Variants in GRID2 observed in about 807,000 individuals in gnomAD.
GRID2 encodes glutamate receptor ionotropic, delta-2.
A neutral mutation model predicts 114.8 loss-of-function variants in GRID2; 33 were observed. The ratio of observed to expected loss-of-function variants is 0.29; its 90% CI spans 0.22 to 0.38. The LOEUF (loss-of-function observed/expected upper bound fraction) is 0.38, where lower values mean the gene tolerates loss of function less well. Ranked by LOEUF, GRID2 falls within the 10% of genes least tolerant of loss-of-function variation. The probability of loss-of-function intolerance (pLI) is 1.00; values close to 1 mark genes in which losing one functional copy is unlikely to be tolerated. For missense variants in GRID2, 1,184 were observed against 1,257.7 expected (o/e 0.94, Z 0.89); for synonymous variants, 505 against 449.9 (o/e 1.12, Z -1.55).
At chr4:93,126,140 T>C (rs1734242499) in intron 4 of GRID2, among the ~76,000 whole-genome samples, 1 of 152,224 alleles carries the variant, frequency 6.6e-6, no homozygotes. Flanking sequence ...TAATACCTAA[T>C]AAATATTTGC....
At chr4:93,729,552 C>CTT (rs367628040) in intron 14 of GRID2, among the ~76,000 whole-genome samples, 7 of 146,326 alleles carry the variant, frequency 4.8e-5, no homozygotes, top group African/African-American at 1.7e-4. Context: ...TAATCATTTT[C>CTT]TTTTTTTTTT....
At chr4:92,829,706 G>C (rs1741968532) in intron 2 of GRID2, among the ~76,000 whole-genome samples, 1 of 152,084 alleles carries the variant, frequency 6.6e-6, no homozygotes, top group Non-Finnish European at 1.5e-5. Context: ...TGATAGACTG[G>C]ACAAAGAAAA....
At chr4:93,011,959 C>A (rs1317216748) in intron 2 of GRID2, among the ~76,000 whole-genome samples, 1 of 151,722 alleles carries the variant, frequency 6.6e-6, no homozygotes, top group Non-Finnish European at 1.5e-5. Context: ...TACTTAAGTA[C>A]CTTCCCTTTA....
chr4:93,096,892 A>G (rs2149335558), intron 3 of GRID2, among the ~76,000 whole-genome samples: 1 of 152,144 alleles, frequency 6.6e-6, no homozygotes, highest in Admixed American at 6.6e-5. Context: ...TCATATCCAA[A>G]ACTGGAAGCA....
chr4:92,939,033 G>A (rs1287114329), intron 2 of GRID2, among the ~76,000 whole-genome samples: 3 of 146,930 alleles, frequency 2.0e-5, no homozygotes, highest in African/African-American at 7.3e-5. Flanking sequence ...ATACATGTGT[G>A]GGTGTCTTTA....
intron 1 of GRID2, among the ~76,000 whole-genome samples, chr4:92,342,606 T>G (rs1727556019): frequency 6.6e-6 from 1 of 152,200 alleles, no homozygotes. Flanking sequence ...GGAAATTCAT[T>G]AAACAAAATC....
chr4:93,567,946 A>G (rs1286794104), intron 13 of GRID2, among the ~76,000 whole-genome samples: 2 of 152,222 alleles, frequency 1.3e-5, no homozygotes, highest in Non-Finnish European at 2.9e-5. Context: ...AGTATTCACA[A>G]CAGACTGGCA....
intron 2 of GRID2, among the ~76,000 whole-genome samples, chr4:92,624,634 C>A (rs1730433391): frequency 6.6e-6 from 1 of 151,740 alleles, no homozygotes; most frequent in African/African-American, 2.4e-5. Flanking sequence ...TTCAGAGTTT[C>A]TCTCAGTAAA....
chr4:93,804,867 T>A (rs1735000751), intron 1 of GRID2, among the ~76,000 whole-genome samples: 1 of 152,204 alleles, frequency 6.6e-6, no homozygotes, highest in South Asian at 2.1e-4. Flanking sequence ...CTGCAACTAC[T>A]ATATCTATTA....
chr4:93,398,288 G>T (rs879007209), intron 9 of GRID2, among the ~76,000 whole-genome samples: 2 of 150,806 alleles, frequency 1.3e-5, no homozygotes, highest in Admixed American at 1.3e-4. Flanking sequence ...TGCAAGGAGC[G>T]ATTCTACGTG....
intron 2 of GRID2, among the ~76,000 whole-genome samples, chr4:92,691,111 C>T (rs1330597052): frequency 6.6e-6 from 1 of 152,126 alleles, no homozygotes; most frequent in Non-Finnish European, 1.5e-5. Flanking sequence ...TAATTAGTGT[C>T]AGCAAAGTGA....
chr4:93,105,909 C>T (rs1368885919), intron 3 of GRID2, among the ~76,000 whole-genome samples: 1 of 151,980 alleles, frequency 6.6e-6, no homozygotes, highest in Non-Finnish European at 1.5e-5. Context: ...CTTAATTTGT[C>T]TTTGTTGTGT....
intron 2 of GRID2, among the ~76,000 whole-genome samples, chr4:92,753,837 T>C (rs763166871): frequency 6.6e-6 from 1 of 152,140 alleles, no homozygotes; most frequent in Non-Finnish European, 1.5e-5. Flanking sequence ...TATGTAAGAT[T>C]AAGTAAAAAT....
At chr4:93,006,109 C>T (rs1721495558) in intron 2 of GRID2, among the ~76,000 whole-genome samples, 2 of 151,972 alleles carry the variant, frequency 1.3e-5, no homozygotes, top group Admixed American at 6.6e-5. Context: ...CCACTCTATC[C>T]AAGTCTACAC....
At chr4:92,503,083 C>A (rs1156741124) in intron 1 of GRID2, among the ~76,000 whole-genome samples, 1 of 152,026 alleles carries the variant, frequency 6.6e-6, no homozygotes, top group East Asian at 1.9e-4. Context: ...AATGTGGATA[C>A]CTTGATCACA....
At chr4:92,802,826 G>C (rs372025683) in intron 2 of GRID2, among the ~76,000 whole-genome samples, 1 of 151,914 alleles carries the variant, frequency 6.6e-6, no homozygotes, top group Non-Finnish European at 1.5e-5. Context: ...TTATTACCAG[G>C]CCTCTTCATT....
chr4:93,337,697 T>C (rs919866), intron 8 of GRID2, among the ~76,000 whole-genome samples: 36,598 of 152,070 alleles, frequency 0.24, 7,129 homozygotes, highest in African/African-American at 0.54. Context: ...TCACAAGATA[T>C]ACAGAAATAT....
At chr4:92,822,268 C>G in intron 2 of GRID2, 2 of 578,010 alleles carry the variant, frequency 3.5e-6, no homozygotes, top group Non-Finnish European at 3.4e-6. Context: ...TTGTTGAGAT[C>G]GCATGGCATG....
intron 2 of GRID2, among the ~76,000 whole-genome samples, chr4:92,645,381 TGTA>T (rs1358881134): frequency 6.6e-6 from 1 of 151,818 alleles, no homozygotes; most frequent in Non-Finnish European, 1.5e-5. Context: ...TATTTGTAGT[TGTA>T]GTCAAGAAAT....
Sources: allele counts gnomAD v4.1 joint callset (sites outside exome capture counted in the v4.1 genomes callset), GRCh38; gene constraint gnomAD v4.1.1; transcripts MANE v1.5; gene names NCBI Gene and HGNC (gene_info 2026-07-23, HGNC 2026-07-21).